Variants in GPATCH2L observed in about 807,000 individuals in gnomAD.
GPATCH2L encodes the protein G patch domain-containing protein 2-like.
In GPATCH2L, 31 loss-of-function variants were observed where a neutral mutation model predicts 57.4. The ratio of observed to expected loss-of-function variants is 0.54; its 90% CI spans 0.41 to 0.73. GPATCH2L has a LOEUF of 0.73. Ranked by LOEUF, GPATCH2L falls within the 30% of genes least tolerant of loss-of-function variation. The probability of loss-of-function intolerance (pLI) is 0.00; values close to 1 mark genes in which losing one functional copy is unlikely to be tolerated. For synonymous variants in GPATCH2L, 199 were observed against 210.7 expected (o/e 0.94, Z 0.48); for missense variants, 481 against 599.9 (o/e 0.80, Z 2.07).
intron 9 of GPATCH2L, among the ~76,000 whole-genome samples, chr14:76,197,141 G>A (rs1277051471): frequency 6.6e-6 from 1 of 152,102 alleles, no homozygotes; most frequent in Non-Finnish European, 1.5e-5. Flanking sequence ...ATAAATTGCA[G>A]AGCCAAGATC....
At chr14:76,169,631 A>G (rs1334384024) in intron 3 of GPATCH2L, among the ~76,000 whole-genome samples, 1 of 152,194 alleles carries the variant, frequency 6.6e-6, no homozygotes, top group Non-Finnish European at 1.5e-5. Context: ...CTTCTAGTTC[A>G]GGGAGTCCCT....
rs1008318992 is a variant in GPATCH2L, at chr14:76,205,546, G to A, written c.*3695G>A. 2 of 152,200 alleles carry A rather than the reference G, an allele frequency of 1.3e-5. No homozygotes were observed. The highest frequency in any genetic ancestry group is 2.9e-5 in the Non-Finnish European group (2 of 68,024). 9.4% of individuals were successfully genotyped at this position (152,200 alleles called of 1,614,324 possible). The stretch of plus-strand genomic sequence containing the variant: ...GTCTGTGATGCTTGTAGCATCCTTT[G>A]TTAAGTAAAGCACAACACCCTGGAC... On this transcript the variant is annotated 3_prime_UTR_variant, in exon 10 of 10. Coordinates refer to ENST00000261530, the MANE Select transcript of GPATCH2L (RefSeq NM_017926.4).
At chr14:76,174,788 A>G (rs1366075262) in intron 5 of GPATCH2L, 1 of 151,892 alleles carries the variant, frequency 6.6e-6, no homozygotes, top group African/African-American at 2.4e-5. Flanking sequence ...GCGCCCCACC[A>G]TGCCTGGCTA....
chr14:76,153,416 C>T (rs955620342), intron 1 of GPATCH2L, among the ~76,000 whole-genome samples: 2 of 152,136 alleles, frequency 1.3e-5, no homozygotes, highest in African/African-American at 2.4e-5. Context: ...CTGAAGTGAC[C>T]CCTGAAGTGT....
In GPATCH2L at chr14:76,201,745, C is replaced by T. The variant is rs1226857675; in HGVS notation, c.1343C>T (p.Pro448Leu). Reference protein sequence around the residue: ...TTPASQAPKSPSSEWLVRTSA... With the variant: ...TTPASQAPKSLSSEWLVRTSA... ...CCAGCATCACAAGCCCCCAAATCAC[C>T]CAGCTCTGAGTGGTTGGTGAGGACC... Residue 448 changes from proline (P) to leucine (L), a missense_variant, in exon 10 of 10, where the codon CCC becomes CTC. Physicochemically the swap from Pro to Leu is moderately conservative, Grantham distance 98. This residue lies in a region of GPATCH2L where 248 missense variants were observed against 270.5 expected (regional missense o/e 0.92). Transcript: ENST00000261530. The T allele has an allele frequency of 1.2e-6, 2 of 1,613,656 alleles. No individual in the cohort carries two copies. The highest frequency in any genetic ancestry group is 2.7e-5 in the African/African-American group (2 of 74,890).
chr14:76,160,007 G>A (rs1651445850), intron 2 of GPATCH2L, among the ~76,000 whole-genome samples: 1 of 152,080 alleles, frequency 6.6e-6, no homozygotes, highest in African/African-American at 2.4e-5. Context: ...GGTGGTGGAC[G>A]CCTGTAGTCC....
chr14:76,181,937 ACTT>A (rs1399119401), intron 8 of GPATCH2L, among the ~76,000 whole-genome samples: 1 of 152,212 alleles, frequency 6.6e-6, no homozygotes, highest in Non-Finnish European at 1.5e-5. Flanking sequence ...TACAGTTAGA[ACTT>A]CTACTATGGG....
intron 8 of GPATCH2L, among the ~76,000 whole-genome samples, chr14:76,187,285 T>C (rs1255643899): frequency 2.6e-5 from 4 of 152,098 alleles, no homozygotes; most frequent in African/African-American, 9.7e-5. Flanking sequence ...GTATTAATTC[T>C]TTCTTTAGGA....
chr14:76,155,943 G>C (rs1425736789), intron 2 of GPATCH2L, among the ~76,000 whole-genome samples: 1 of 152,112 alleles, frequency 6.6e-6, no homozygotes, highest in Non-Finnish European at 1.5e-5. Context: ...TCCCAGTTGA[G>C]AACCAGTGTA....
In GPATCH2L at chr14:76,212,195, C is replaced by G. The variant is rs189630146; in HGVS notation, c.*10344C>G. On this transcript the variant is annotated 3_prime_UTR_variant, in exon 10 of 10. Transcript: ENST00000261530. ...AACAAATCACAAAAATGAAAGATGT[C>G]TAAAACCATAGAATAGGAACAAATG... 15 of 152,036 alleles carry G rather than the reference C, an allele frequency of 9.9e-5. No individual in the cohort carries two copies. Among genetic ancestry groups the G allele is most frequent in the African/African-American group, 3.6e-4 (15 of 41,500 alleles). 9.4% of individuals were successfully genotyped at this position (152,036 alleles called of 1,614,324 possible).
At chr14:76,222,837 T>C (rs2040521155) in intron 1 of GPATCH2L, among the ~76,000 whole-genome samples, 1 of 151,364 alleles carries the variant, frequency 6.6e-6, no homozygotes, top group African/African-American at 2.4e-5. Context: ...GCTCCTGTAA[T>C]CCTAGCTACT....
Position 76,210,378 on chromosome 14 carries a change from CTT to C in GPATCH2L, c.*8531_*8532del. ...TTCCCAATCAATACCTCTGCTGCCT[CTT>C]TTTACAAACTGAACTGTTGGAGGGC... On this transcript the variant is annotated 3_prime_UTR_variant, in exon 10 of 10. Transcript: ENST00000261530. 1 of 152,270 alleles carries C rather than the reference CTT, an allele frequency of 6.6e-6. No homozygotes were observed. The highest frequency in any genetic ancestry group is 3.4e-3 in the Middle Eastern group (1 of 294). 9.4% of individuals were successfully genotyped at this position (152,270 alleles called of 1,614,324 possible).
chr14:76,187,192 A>T (rs1438527384), intron 8 of GPATCH2L, among the ~76,000 whole-genome samples: 2 of 151,972 alleles, frequency 1.3e-5, no homozygotes, highest in African/African-American at 4.8e-5. Context: ...TAATCTAGGG[A>T]TTAAATCTCT....
intron 5 of GPATCH2L, chr14:76,175,069 G>A (rs982415431): frequency 1.3e-5 from 2 of 152,234 alleles, no homozygotes; most frequent in Non-Finnish European, 2.9e-5. Flanking sequence ...TAGCAGAATA[G>A]CAGTACATGG....
rs575352291 is a variant in GPATCH2L, at chr14:76,210,958, G to C, written c.*9107G>C. On this transcript the variant is annotated 3_prime_UTR_variant, in exon 10 of 10. Transcript: ENST00000261530. Reference sequence around the variant, plus strand: ...TCATGGTCTTCTGCGGAAGAGACCAGAAAAAAAGTATTACAATGTAGAATG... The same window carrying C: ...TCATGGTCTTCTGCGGAAGAGACCACAAAAAAAGTATTACAATGTAGAATG... 6.6e-6 allele frequency: 1 copy of C among 151,924 alleles called. No homozygotes were observed. The highest frequency in any genetic ancestry group is 1.5e-5 in the Non-Finnish European group (1 of 67,962). 9.4% of individuals were successfully genotyped at this position (151,924 alleles called of 1,614,324 possible). A position where few individuals can be genotyped will look rare whatever the true frequency, so the allele number is the denominator to read the frequency against.
In GPATCH2L at chr14:76,202,405, A is replaced by G. The variant is rs1234850860; in HGVS notation, c.*554A>G. On this transcript the variant is annotated 3_prime_UTR_variant, in exon 10 of 10. Coordinates refer to ENST00000261530, the MANE Select transcript of GPATCH2L (RefSeq NM_017926.4). Reference sequence around the variant, plus strand: ...TGGGGCCTCAAAAGAGACACCAGCAACTGGGCCTTGAGAACTTCCATTTTT... The same window carrying G: ...TGGGGCCTCAAAAGAGACACCAGCAGCTGGGCCTTGAGAACTTCCATTTTT... 6.5e-6 allele frequency: 1 copy of G among 152,684 alleles called. No homozygotes were observed. The highest frequency in any genetic ancestry group is 2.4e-5 in the African/African-American group (1 of 41,458). The allele number at this position is 152,684 out of a possible 1,614,324, so 9.5% of individuals were successfully genotyped here.
chr14:76,230,986 A>G (rs188141879), intron 2 of GPATCH2L, among the ~76,000 whole-genome samples: 13 of 152,270 alleles, frequency 8.5e-5, no homozygotes, highest in Admixed American at 7.8e-4. Context: ...GTTTTTTTAT[A>G]CTTGCCCTAA....
rs190455676 is a variant in GPATCH2L at position 76,172,271 on chromosome 14, C to T, written c.904+252C>T. 1.5e-4 allele frequency among the ~76,000 whole-genome samples: 23 copies of T among 152,226 alleles called. No homozygotes were observed. In the East Asian group the frequency reaches 2.3e-3, roughly 15 times the overall value. ...GGAGATTCCTTCAGCTTGCCATTGC[C>T]GTTTGTGCCAGATTTAGTGACAGCT... On this transcript the variant is annotated intron_variant, in intron 4 of 9. Coordinates refer to ENST00000261530, the MANE Select transcript of GPATCH2L (RefSeq NM_017926.4).
intron 3 of GPATCH2L, among the ~76,000 whole-genome samples, chr14:76,171,200 G>A (rs751058044): frequency 1.3e-5 from 2 of 151,880 alleles, no homozygotes; most frequent in Non-Finnish European, 2.9e-5. Context: ...AGGCTGAGGT[G>A]GGTGGGAGGA....
Sources: gnomAD v4.1 joint callset for allele counts (sites outside exome capture counted in the v4.1 genomes callset) on GRCh38, gnomAD v4.1.1 for gene constraint, gnomAD v4.1.1 regional missense constraint, MANE v1.5 for transcripts, NCBI Gene and HGNC (gene_info 2026-07-23, HGNC 2026-07-21) for gene names.